The following GHR variants were observed in gnomAD, a reference collection of about 807,000 sequenced individuals.
The protein encoded by GHR is growth hormone receptor.
In GHR, 35 loss-of-function variants were observed where a neutral mutation model predicts 67.1. That is an observed-to-expected ratio of 0.52 (90% CI 0.40 to 0.69). The LOEUF is 0.69. GHR is among the 30% of genes least tolerant of loss of function. The pLI, the probability that GHR is intolerant of heterozygous loss-of-function variation, is 0.00. For synonymous variants in GHR, 272 were observed against 269.1 expected (o/e 1.01, Z -0.10); for missense variants, 792 against 764.6 (o/e 1.04, Z -0.42).
At chr5:42,432,634 G>A (rs570774514) in intron 1 of GHR, among the ~76,000 whole-genome samples, 17 of 152,318 alleles carry the variant, frequency 1.1e-4, no homozygotes, top group East Asian at 3.9e-4. Flanking sequence ...TGTAAAGACC[G>A]TGGAGATAGA....
chr5:42,468,825 G>T, intron 1 of GHR: 1 of 1,014,756 alleles, frequency 9.9e-7, no homozygotes, highest in Non-Finnish European at 1.5e-6. Flanking sequence ...CGAATCGGTT[G>T]GTGACCAGGC....
intron 1 of GHR, among the ~76,000 whole-genome samples, chr5:42,441,425 C>A (rs1342006752): frequency 2.0e-5 from 3 of 151,754 alleles, no homozygotes; most frequent in African/African-American, 4.8e-5. Context: ...GAAAGAGAGA[C>A]AATGAATATA....
At chr5:42,456,546 C>G (rs544982019) in intron 1 of GHR, among the ~76,000 whole-genome samples, 2 of 152,092 alleles carry the variant, frequency 1.3e-5, no homozygotes, top group Admixed American at 1.3e-4. Context: ...TTTCCGGCTT[C>G]TCTTGAAAAA....
intron 3 of GHR, among the ~76,000 whole-genome samples, chr5:42,688,647 A>G (rs182432142): frequency 1.3e-5 from 2 of 152,180 alleles, no homozygotes; most frequent in African/African-American, 4.8e-5. Context: ...GTCCTATGAA[A>G]TGCTTGAAAT....
At chr5:42,638,924 T>A (rs1048029996) in intron 3 of GHR, among the ~76,000 whole-genome samples, 19 of 152,328 alleles carry the variant, frequency 1.2e-4, no homozygotes, top group Admixed American at 1.1e-3. Context: ...AGAGGTATTA[T>A]GGTTATGTTT....
chr5:42,429,369 A>G (rs542822404), intron 1 of GHR, among the ~76,000 whole-genome samples: 2 of 152,314 alleles, frequency 1.3e-5, no homozygotes, highest in Admixed American at 1.3e-4. Context: ...GGTAGCTACA[A>G]TTCAAGATGA....
At chr5:42,623,780 T>C (rs556077274) in intron 2 of GHR, among the ~76,000 whole-genome samples, 37 of 152,324 alleles carry the variant, frequency 2.4e-4, no homozygotes, top group African/African-American at 7.2e-4. Context: ...AGTGCCTATT[T>C]ATTGATTTGT....
chr5:42,460,125 A>G (rs959178307), intron 1 of GHR, among the ~76,000 whole-genome samples: 1 of 152,190 alleles, frequency 6.6e-6, no homozygotes, highest in Non-Finnish European at 1.5e-5. Flanking sequence ...TCTCTTTGCT[A>G]TATGAGGACA....
chr5:42,467,876 T>A, intron 1 of GHR: 1 of 852,060 alleles, frequency 1.2e-6, no homozygotes, highest in Non-Finnish European at 1.9e-6. Flanking sequence ...TCCCACAGAT[T>A]TCTTACATTT....
chr5:42,596,662 G>A (rs1752087009), intron 2 of GHR, among the ~76,000 whole-genome samples: 1 of 152,186 alleles, frequency 6.6e-6, no homozygotes, highest in South Asian at 2.1e-4. Context: ...TTCAGTGTTT[G>A]TGGTTGCAGG....
chr5:42,700,569 C>T (rs1202732840), intron 6 of GHR, among the ~76,000 whole-genome samples: 1 of 152,158 alleles, frequency 6.6e-6, no homozygotes, highest in African/African-American at 2.4e-5. Flanking sequence ...CCCTCTCTTC[C>T]TTACCAAGCA....
At chr5:42,603,817 A>T (rs1002415565) in intron 2 of GHR, among the ~76,000 whole-genome samples, 2 of 152,108 alleles carry the variant, frequency 1.3e-5, no homozygotes, top group Non-Finnish European at 2.9e-5. Flanking sequence ...TTCAATTCCA[A>T]CACTTCTACT....
intron 1 of GHR, among the ~76,000 whole-genome samples, chr5:42,563,491 G>T (rs1749734331): frequency 6.6e-6 from 1 of 151,940 alleles, no homozygotes; most frequent in African/African-American, 2.4e-5. Flanking sequence ...GGTGGCGGGC[G>T]CCTGTAGTCC....
intron 1 of GHR, among the ~76,000 whole-genome samples, chr5:42,540,183 T>TTCTC (rs57962722): frequency 0.14 from 20,253 of 144,278 alleles, 1,466 homozygotes; most frequent in Middle Eastern, 0.2. Context: ...TGTTACTGTA[T>TTCTC]TCTCTCTCTC....
intron 1 of GHR, among the ~76,000 whole-genome samples, chr5:42,441,703 G>A (rs908218567): frequency 3.9e-5 from 6 of 152,094 alleles, no homozygotes; most frequent in Non-Finnish European, 8.8e-5. Flanking sequence ...TAGAGACGGG[G>A]TTTCACCGTG....
chr5:42,537,790 T>A (rs1748326187), intron 1 of GHR, among the ~76,000 whole-genome samples: 1 of 152,182 alleles, frequency 6.6e-6, no homozygotes, highest in South Asian at 2.1e-4. Flanking sequence ...TTGCTGTTTC[T>A]CTCATTTCTT....
At chr5:42,661,440 G>A (rs1399792196) in intron 3 of GHR, among the ~76,000 whole-genome samples, 1 of 152,092 alleles carries the variant, frequency 6.6e-6, no homozygotes, top group African/African-American at 2.4e-5. Flanking sequence ...AGAGAGTGGG[G>A]GCCAATATTC....
At position 42,719,226 on chromosome 5, in the gene GHR, C is replaced by T. The variant is rs1282781192; in HGVS notation, c.1719C>T (p.Thr573=). The change falls in exon 10 of 10, where the codon ACC becomes ACT. Residue 573 remains threonine (T), a synonymous_variant. Transcript: ENST00000230882. The part of the protein sequence containing the change: ...EDIYITTESL[T]TAAGRPGTGE... ...TTTACATCACCACAGAAAGCCTTAC[C>T]ACTGCTGCTGGGAGGCCTGGGACAG... 6.2e-7 allele frequency: 1 copy of T among 1,613,982 alleles called. No homozygotes were observed. Among genetic ancestry groups the T allele is most frequent in the Admixed American group, 1.7e-5 (1 of 60,008 alleles).
chr5:42,661,544 A>G (rs1214224576), intron 3 of GHR, among the ~76,000 whole-genome samples: 5 of 152,166 alleles, frequency 3.3e-5, no homozygotes, highest in Non-Finnish European at 5.9e-5. Flanking sequence ...CTTTACAGAC[A>G]AGCAAATGCT....
Sources: allele counts gnomAD v4.1 joint callset (sites outside exome capture counted in the v4.1 genomes callset), GRCh38; gene constraint gnomAD v4.1.1; transcripts MANE v1.5; gene names NCBI Gene and HGNC (gene_info 2026-07-23, HGNC 2026-07-21).